The following LRP11 variants were observed in gnomAD, a reference collection of about 807,000 sequenced individuals.
LRP11 encodes the protein low-density lipoprotein receptor-related protein 11.
A neutral mutation model predicts 43.1 loss-of-function variants in LRP11; 25 were observed. The ratio of observed to expected loss-of-function variants is 0.58; its 90% CI spans 0.42 to 0.81. LRP11 has a LOEUF of 0.81. LRP11 is among the 30% of genes least tolerant of loss of function. The pLI, the probability that LRP11 is intolerant of heterozygous loss-of-function variation, is 0.00. For missense variants in LRP11, 623 were observed against 665.1 expected, an observed-to-expected ratio of 0.94 and a Z score of 0.70; for synonymous variants, 316 against 299.4, an observed-to-expected ratio of 1.06 and a Z score of -0.57.
At chr6:149,841,713 G>T (rs909783615) in intron 3 of LRP11, among the ~76,000 whole-genome samples, 1 of 152,186 alleles carries the variant, frequency 6.6e-6, no homozygotes, top group Admixed American at 6.5e-5. Context: ...AGGAATTCGA[G>T]ACCAGGTTGG....
At position 149,864,248 on chromosome 6, in the gene LRP11, G is replaced by A. The variant is rs1777001870; in HGVS notation, c.-228C>T. ...CCGGCCCAGCCGGGCACCGCTCCTT[G>A]CCCTCGCCGGAGACTGCCCAGCGCC... is the stretch of plus-strand genomic sequence containing the variant. On this transcript the variant is annotated 5_prime_UTR_variant, in exon 1 of 7. Transcript: ENST00000239367. 5 of 1,084,484 alleles carry A rather than the reference G, an allele frequency of 4.6e-6. No individual in the cohort carries two copies. The highest frequency in any genetic ancestry group is 1.7e-5 in the African/African-American group (1 of 59,722). The allele number at this position is 1,084,484 out of a possible 1,614,324, so 67.2% of individuals were successfully genotyped here. A position where few individuals can be genotyped will look rare whatever the true frequency, so the allele number is the denominator to read the frequency against.
At position 149,863,546 on chromosome 6, in the gene LRP11, C is replaced by A. The variant is rs868592263; in HGVS notation, c.475G>T (p.Gly159Cys). 3 of 1,367,024 alleles carry A rather than the reference C, an allele frequency of 2.2e-6. No homozygotes were observed. In the African/African-American group the frequency reaches 4.6e-5, roughly 21 times the overall value. The allele number at this position is 1,367,024 out of a possible 1,614,324, so 84.7% of individuals were successfully genotyped here. ...RRPAPPAAVL[G>C]CYLFNCTARG... ...GCCGTGCAGTTGAAGAGGTAGCAGC[C>A]GAGCACGGCTGCCGGGGGCGCGGGG... The change falls in exon 1 of 7, where the codon GGC (glycine) becomes TGC (cysteine). Residue 159 changes from glycine (G) to cysteine (C), a missense_variant. Coordinates refer to ENST00000239367, the MANE Select transcript of LRP11 (RefSeq NM_032832.6).
chr6:149,820,441 T>G lies in LRP11; in HGVS notation c.*108A>C. 2 of 502,120 alleles carry G rather than the reference T, an allele frequency of 4.0e-6. No individual in the cohort carries two copies. Among genetic ancestry groups the G allele is most frequent in the South Asian group, 3.8e-5 (1 of 26,144 alleles). 31.1% of individuals were successfully genotyped at this position (502,120 alleles called of 1,614,324 possible). ...AAAGAAAGATTTGGGATTTGCAGAA[T>G]CTTCTGGCCCAATTAAAAACAAAAG... On this transcript the variant is annotated 3_prime_UTR_variant, in exon 7 of 7. Coordinates refer to ENST00000239367, the MANE Select transcript of LRP11 (RefSeq NM_032832.6).
At position 149,819,415 on chromosome 6, in the gene LRP11, T is replaced by C. The variant is rs1481752299; in HGVS notation, c.*1134A>G. The C allele has an allele frequency of 1.3e-5, 2 of 152,302 alleles. No individual in the cohort carries two copies. Among genetic ancestry groups the C allele is most frequent in the Non-Finnish European group, 1.5e-5 (1 of 68,034 alleles). The allele number at this position is 152,302 out of a possible 1,614,324, so 9.4% of individuals were successfully genotyped here. A position where few individuals can be genotyped will look rare whatever the true frequency, so the allele number is the denominator to read the frequency against. On this transcript the variant is annotated 3_prime_UTR_variant, in exon 7 of 7. Transcript: ENST00000239367. The stretch of plus-strand genomic sequence containing the variant: ...TGTGTATAATCCCGGCGTTAAGTGA[T>C]GGTGGGAATGATTTGCCTTTAAAAG...
At chr6:149,821,733 T>C (rs1415114480) in intron 6 of LRP11, among the ~76,000 whole-genome samples, 2 of 152,218 alleles carry the variant, frequency 1.3e-5, no homozygotes, top group Non-Finnish European at 2.9e-5. Context: ...GGAGATTATA[T>C]GGTGGAACTG....
intron 1 of LRP11, among the ~76,000 whole-genome samples, chr6:149,862,723 G>A (rs1252963019): frequency 6.6e-6 from 1 of 151,898 alleles, no homozygotes; most frequent in African/African-American, 2.4e-5. Context: ...GGGATTACAG[G>A]CGCATGCCAC....
intron 6 of LRP11, among the ~76,000 whole-genome samples, chr6:149,824,765 C>T (rs1776317305): frequency 1.3e-5 from 2 of 152,184 alleles, no homozygotes; most frequent in Non-Finnish European, 2.9e-5. Context: ...GAGGCTGAGG[C>T]AGGGGAATCG....
chr6:149,850,648 T>C (rs936641738), intron 2 of LRP11, among the ~76,000 whole-genome samples: 2 of 152,228 alleles, frequency 1.3e-5, no homozygotes, highest in South Asian at 4.1e-4. Context: ...GGTTAGTATC[T>C]ACATGTACTA....
At chr6:149,847,206 G>A (rs914407865) in intron 2 of LRP11, among the ~76,000 whole-genome samples, 1 of 152,142 alleles carries the variant, frequency 6.6e-6, no homozygotes, top group Non-Finnish European at 1.5e-5. Flanking sequence ...TCAACACTGG[G>A]GCTGAAAGGA....
At chr6:149,855,697 C>CTT (rs11289615) in intron 1 of LRP11, among the ~76,000 whole-genome samples, 3 of 134,922 alleles carry the variant, frequency 2.2e-5, no homozygotes, top group Non-Finnish European at 1.5e-5. Flanking sequence ...GGGAAGATGC[C>CTT]TTTTTTTTTT....
chr6:149,819,668 A>G lies in LRP11; in HGVS notation c.*881T>C, dbSNP rs1470553722. On this transcript the variant is annotated 3_prime_UTR_variant, in exon 7 of 7. Coordinates refer to ENST00000239367, the MANE Select transcript of LRP11 (RefSeq NM_032832.6). Reference sequence around the variant, plus strand: ...GGAATCCACTCAACGTCCTCTCTTCAATTGTCGTTTTTCATCAACAAAGCC... The same window carrying G: ...GGAATCCACTCAACGTCCTCTCTTCGATTGTCGTTTTTCATCAACAAAGCC... 1 of 151,058 alleles carries G rather than the reference A, an allele frequency of 6.6e-6. No homozygotes were observed. The highest frequency in any genetic ancestry group is 2.5e-5 in the African/African-American group (1 of 40,172). 9.4% of individuals were successfully genotyped at this position (151,058 alleles called of 1,614,324 possible).
chr6:149,857,456 G>T (rs957631150), intron 1 of LRP11, among the ~76,000 whole-genome samples: 1 of 150,310 alleles, frequency 6.7e-6, no homozygotes, highest in African/African-American at 2.5e-5. Flanking sequence ...GGTGAGCCAA[G>T]ACTGTGCCAC....
chr6:149,859,396 A>ATATATATATATATATATATATATATTTT, intron 1 of LRP11, among the ~76,000 whole-genome samples: 7 of 71,490 alleles, frequency 9.8e-5, no homozygotes, highest in Non-Finnish European at 1.1e-4. Context: ...ATATATATAT[A>ATATATATATATATATATATATATATTTT]TTTTTTTTTT....
chr6:149,823,461 C>A (rs1256308944), intron 6 of LRP11, among the ~76,000 whole-genome samples: 1 of 152,198 alleles, frequency 6.6e-6, no homozygotes, highest in South Asian at 2.1e-4. Flanking sequence ...GGCGACACCT[C>A]TTCCTTTAGT....
chr6:149,837,950 C>G (rs1436704500), intron 3 of LRP11, among the ~76,000 whole-genome samples: 1 of 152,214 alleles, frequency 6.6e-6, no homozygotes, highest in African/African-American at 2.4e-5. Context: ...CAAGGTCTCA[C>G]TCTGTCGCCC....
At chr6:149,834,550 A>G (rs1156696406) in intron 5 of LRP11, among the ~76,000 whole-genome samples, 2 of 152,228 alleles carry the variant, frequency 1.3e-5, no homozygotes, top group Admixed American at 6.5e-5. Flanking sequence ...ATCTCTCCAT[A>G]AACTCTTCAC....
chr6:149,823,384 AGAT>A (rs895278452), intron 6 of LRP11, among the ~76,000 whole-genome samples: 28 of 152,180 alleles, frequency 1.8e-4, no homozygotes, highest in African/African-American at 6.8e-4. Context: ...GAGAGCTAGG[AGAT>A]GATGAGAAAT....
At chr6:149,823,091 A>C (rs767387795) in intron 6 of LRP11, among the ~76,000 whole-genome samples, 10 of 152,062 alleles carry the variant, frequency 6.6e-5, no homozygotes, top group Non-Finnish European at 1.5e-4. Flanking sequence ...AAACAGAAGA[A>C]GACCAGTCAG....
chr6:149,824,438 C>G (rs935474907), intron 6 of LRP11, among the ~76,000 whole-genome samples: 2 of 152,178 alleles, frequency 1.3e-5, no homozygotes, highest in African/African-American at 4.8e-5. Flanking sequence ...ATTTAGTTGG[C>G]TTAGTTTGGA....
Sources: allele counts gnomAD v4.1 joint callset (sites outside exome capture counted in the v4.1 genomes callset), GRCh38; gene constraint gnomAD v4.1.1; transcripts MANE v1.5; gene names NCBI Gene and HGNC (gene_info 2026-07-23, HGNC 2026-07-21).